The following VAT1L variants were observed in gnomAD, a reference collection of about 807,000 sequenced individuals.
VAT1L encodes vesicle amine transport 1 like, also known as putative NADPH-dependent quinone oxidoreductase VAT1L.
A neutral mutation model predicts 44.1 loss-of-function variants in VAT1L; 34 were observed. That is an observed-to-expected ratio of 0.77 (90% CI 0.59 to 1.03). The LOEUF is 1.03. Among genes scored for constraint, VAT1L ranks in the 50% least tolerant of loss-of-function variants. VAT1L has a pLI of 0.00. For missense variants in VAT1L, 615 were observed against 538.8 expected (o/e 1.14, Z -1.40); for synonymous variants, 253 against 202.2 (o/e 1.25, Z -2.13).
intron 8 of VAT1L, among the ~76,000 whole-genome samples, chr16:77,977,316 T>C (rs1366016829): frequency 6.6e-6 from 1 of 152,212 alleles, no homozygotes; most frequent in African/African-American, 2.4e-5. Flanking sequence ...TAACATACCC[T>C]GCATTGGATT....
At chr16:77,910,795 A>G (rs1219880625) in intron 7 of VAT1L, among the ~76,000 whole-genome samples, 2 of 152,124 alleles carry the variant, frequency 1.3e-5, no homozygotes, top group Admixed American at 6.5e-5. Context: ...TTAAGCTACT[A>G]CTTCTCAAAA....
intron 7 of VAT1L, among the ~76,000 whole-genome samples, chr16:77,910,250 G>A (rs1052956872): frequency 6.6e-6 from 1 of 152,168 alleles, no homozygotes; most frequent in Non-Finnish European, 1.5e-5. Context: ...AATGGCAGCT[G>A]CTCTTTTTCT....
chr16:77,897,046 C>G (rs1020084364), intron 7 of VAT1L, among the ~76,000 whole-genome samples: 1 of 152,108 alleles, frequency 6.6e-6, no homozygotes, highest in Non-Finnish European at 1.5e-5. Flanking sequence ...AACAGAGGAC[C>G]AGTTTCAAGA....
chr16:77,947,916 C>T (rs968383850), intron 7 of VAT1L, among the ~76,000 whole-genome samples: 10 of 152,136 alleles, frequency 6.6e-5, no homozygotes, highest in Non-Finnish European at 1.3e-4. Flanking sequence ...TGTGCCACCA[C>T]GCCCAGCTAA....
intron 7 of VAT1L, among the ~76,000 whole-genome samples, chr16:77,953,879 G>T (rs1210101635): frequency 6.6e-6 from 1 of 152,034 alleles, no homozygotes; most frequent in African/African-American, 2.4e-5. Flanking sequence ...TCCTTGAAAA[G>T]AAACAAGCCC....
intron 7 of VAT1L, among the ~76,000 whole-genome samples, chr16:77,947,230 TG>T (rs2017980388): frequency 6.6e-6 from 1 of 152,178 alleles, no homozygotes; most frequent in Non-Finnish European, 1.5e-5. Context: ...CAAGACCATC[TG>T]CTTCTAGTGC....
chr16:77,973,493 C>A (rs1259800288), intron 8 of VAT1L, among the ~76,000 whole-genome samples: 1 of 151,996 alleles, frequency 6.6e-6, no homozygotes, highest in Non-Finnish European at 1.5e-5. Flanking sequence ...CCATGTGGGT[C>A]AGGCTGGTCT....
chr16:77,897,470 GTTTT>G (rs1203931774), intron 7 of VAT1L, among the ~76,000 whole-genome samples: 1 of 152,106 alleles, frequency 6.6e-6, no homozygotes, highest in Non-Finnish European at 1.5e-5. Context: ...AACTGGTTTT[GTTTT>G]TTGTTTTGTG....
At chr16:77,963,037 C>T (rs992962802) in intron 7 of VAT1L, among the ~76,000 whole-genome samples, 2 of 152,186 alleles carry the variant, frequency 1.3e-5, no homozygotes, top group African/African-American at 4.8e-5. Context: ...GCTGGATCCT[C>T]AAGTTTTCTC....
intron 8 of VAT1L, among the ~76,000 whole-genome samples, chr16:77,975,952 A>G (rs2018335636): frequency 6.6e-6 from 1 of 152,232 alleles, no homozygotes; most frequent in African/African-American, 2.4e-5. Context: ...CCACTGCTGT[A>G]GAACAGAACT....
chr16:77,975,625 C>A (rs1174165990), intron 8 of VAT1L, among the ~76,000 whole-genome samples: 4 of 152,230 alleles, frequency 2.6e-5, no homozygotes, highest in Non-Finnish European at 5.9e-5. Flanking sequence ...AGCACCCAGG[C>A]AGGGGAAGTC....
intron 3 of VAT1L, among the ~76,000 whole-genome samples, chr16:77,856,272 G>A (rs1240894340): frequency 1.3e-5 from 2 of 152,164 alleles, no homozygotes. Flanking sequence ...GGCTGGAGGA[G>A]TAGACAGTAT....
intron 3 of VAT1L, among the ~76,000 whole-genome samples, chr16:77,835,965 T>C (rs185589660): frequency 6.6e-6 from 1 of 152,254 alleles, no homozygotes; most frequent in Admixed American, 6.5e-5. Context: ...GTATGAGCTC[T>C]AAAGTCAGAC....
At chr16:77,928,004 C>T (rs145366714) in intron 7 of VAT1L, among the ~76,000 whole-genome samples, 1 of 152,314 alleles carries the variant, frequency 6.6e-6, no homozygotes, top group Non-Finnish European at 1.5e-5. Flanking sequence ...CAATCCTTCC[C>T]ATTAGGATGG....
intron 7 of VAT1L, among the ~76,000 whole-genome samples, chr16:77,902,023 T>C (rs1247008992): frequency 6.6e-6 from 1 of 152,232 alleles, no homozygotes; most frequent in Non-Finnish European, 1.5e-5. Flanking sequence ...TCTGATTTAT[T>C]TGTGGCAGTG....
intron 7 of VAT1L, among the ~76,000 whole-genome samples, chr16:77,968,142 T>A (rs1205871998): frequency 1.3e-5 from 2 of 152,140 alleles, no homozygotes; most frequent in Non-Finnish European, 2.9e-5. Flanking sequence ...GCACTTATGA[T>A]CTCCCAGTTT....
At chr16:77,802,259 TTGAA>T (rs2016071098) in intron 1 of VAT1L, among the ~76,000 whole-genome samples, 1 of 152,182 alleles carries the variant, frequency 6.6e-6, no homozygotes, top group Admixed American at 6.5e-5. Context: ...CTGTTTGTTC[TTGAA>T]TGGAGACCCA....
At chr16:77,907,100 A>G (rs2017445624) in intron 7 of VAT1L, among the ~76,000 whole-genome samples, 1 of 152,220 alleles carries the variant, frequency 6.6e-6, no homozygotes. Context: ...GCGGGGGAAA[A>G]AAAGCCCTGC....
intron 7 of VAT1L, among the ~76,000 whole-genome samples, chr16:77,942,435 T>C (rs1014551036): frequency 6.8e-6 from 1 of 146,214 alleles, no homozygotes; most frequent in Non-Finnish European, 1.5e-5. Context: ...ATCAGTGATG[T>C]TGAGCTTTTT....
Sources: gnomAD v4.1 joint callset for allele counts (sites outside exome capture counted in the v4.1 genomes callset) on GRCh38, gnomAD v4.1.1 for gene constraint, MANE v1.5 for transcripts, NCBI Gene and HGNC (gene_info 2026-07-23, HGNC 2026-07-21) for gene names.